Variants in PRKCB observed in about 807,000 individuals in gnomAD.
PRKCB encodes the protein protein kinase C beta, also known as protein kinase C beta type.
PRKCB carries 13 observed loss-of-function variants against 81.5 expected under a neutral mutation model. The observed-to-expected ratio is 0.16, with a 90% confidence interval of 0.10 to 0.25. PRKCB has a LOEUF of 0.25. Among genes scored for constraint, PRKCB ranks in the 10% least tolerant of loss-of-function variants. PRKCB has a pLI of 1.00. For synonymous variants in PRKCB, 335 were observed against 321.4 expected (o/e 1.04, Z -0.45); for missense variants, 509 against 875.7 (o/e 0.58, Z 5.29).
chr16:24,000,906 A>T (rs1965024806), intron 3 of PRKCB, among the ~76,000 whole-genome samples: 1 of 152,194 alleles, frequency 6.6e-6, no homozygotes, highest in Admixed American at 6.5e-5. Flanking sequence ...GTATTGCTCC[A>T]ATGACCTTGG....
intron 2 of PRKCB, among the ~76,000 whole-genome samples, chr16:23,860,822 G>A (rs1962652179): frequency 6.6e-6 from 1 of 152,250 alleles, no homozygotes; most frequent in East Asian, 1.9e-4. Flanking sequence ...CAGGAGAATT[G>A]CTTGGACCCG....
rs1491202327 is a variant in PRKCB, at chr16:23,875,562, CAT to C, written c.205+38157_205+38158del. On this transcript the variant is annotated intron_variant, in intron 2 of 16. Transcript: ENST00000643927. ...CACACATATGTATGTATATCACACA[CAT>C]GTGTATATCAAACACATATGTATAT... Among the ~76,000 whole-genome samples the C allele has an allele frequency of 1.4e-3, 128 of 91,994 alleles. 13 individuals carry two copies. Among genetic ancestry groups the C allele is most frequent in the Non-Finnish European group, 2.8e-3 (117 of 42,038 alleles). The allele number at this position is 91,994 out of a possible 152,430, so 60.4% of individuals were successfully genotyped here.
intron 16 of PRKCB, among the ~76,000 whole-genome samples, chr16:24,198,582 C>T (rs879713395): frequency 1.3e-5 from 2 of 152,170 alleles, no homozygotes; most frequent in African/African-American, 2.4e-5. Context: ...AAGTGATCCT[C>T]CCACCTCTGC....
At chr16:24,156,045 A>G (rs959713761) in intron 10 of PRKCB, among the ~76,000 whole-genome samples, 1 of 152,108 alleles carries the variant, frequency 6.6e-6, no homozygotes, top group African/African-American at 2.4e-5. Flanking sequence ...TGGTGCCTAG[A>G]TCTGTTAACT....
At chr16:24,160,947 G>A (rs1046943132) in intron 10 of PRKCB, among the ~76,000 whole-genome samples, 4 of 152,206 alleles carry the variant, frequency 2.6e-5, no homozygotes, top group African/African-American at 7.2e-5. Flanking sequence ...GAGGAGGCCG[G>A]TGTCGCCCCG....
chr16:23,856,226 C>G lies in PRKCB; in HGVS notation c.205+18820C>G, dbSNP rs117727344. 1.6e-4 allele frequency among the ~76,000 whole-genome samples: 24 copies of G among 152,302 alleles called. No homozygotes were observed. The East Asian group carries it at 4.6e-3, about 29-fold the overall frequency. ...TGGGATTCATATCCAACCAACGATA[C>G]TTTATACCTCACATTACTTCTGTTA... On this transcript the variant is annotated intron_variant, in intron 2 of 16. Transcript: ENST00000643927.
chr16:23,896,798 G>A (rs1963385188), intron 2 of PRKCB, among the ~76,000 whole-genome samples: 1 of 152,220 alleles, frequency 6.6e-6, no homozygotes, highest in South Asian at 2.1e-4. Context: ...CACAAGTGAA[G>A]TTAATCTCTT....
At chr16:23,864,712 G>T (rs1411657446) in intron 2 of PRKCB, among the ~76,000 whole-genome samples, 1 of 151,264 alleles carries the variant, frequency 6.6e-6, no homozygotes, top group Non-Finnish European at 1.5e-5. Flanking sequence ...CACGACCAGG[G>T]CCTCTGAGAT....
chr16:23,979,561 G>A (rs1012559611), intron 2 of PRKCB, among the ~76,000 whole-genome samples: 17 of 152,024 alleles, frequency 1.1e-4, no homozygotes, highest in South Asian at 4.2e-4. Flanking sequence ...TGTGGGAGTC[G>A]GGGGGAATGT....
chr16:24,200,305 A>C (rs1275426514), intron 16 of PRKCB, among the ~76,000 whole-genome samples: 2 of 152,170 alleles, frequency 1.3e-5, no homozygotes, highest in African/African-American at 4.8e-5. Context: ...ACCTACATTT[A>C]TATACTGACA....
chr16:24,193,497 A>G (rs575162501), intron 16 of PRKCB, among the ~76,000 whole-genome samples: 2 of 142,158 alleles, frequency 1.4e-5, no homozygotes, highest in East Asian at 4.2e-4. Flanking sequence ...ATAAATAAAT[A>G]AATGTGGTCT....
At chr16:23,946,100 T>C (rs1964201477) in intron 2 of PRKCB, among the ~76,000 whole-genome samples, 1 of 152,128 alleles carries the variant, frequency 6.6e-6, no homozygotes, top group South Asian at 2.1e-4. Flanking sequence ...CTCAGAGGGG[T>C]TAAATAATGT....
At chr16:24,063,565 G>C (rs1421770638) in intron 5 of PRKCB, among the ~76,000 whole-genome samples, 1 of 152,156 alleles carries the variant, frequency 6.6e-6, no homozygotes, top group Non-Finnish European at 1.5e-5. Flanking sequence ...AGAGTGCTGG[G>C]ATTACAGGCG....
At chr16:24,070,109 TGTGATG>T (rs1352902816) in intron 5 of PRKCB, among the ~76,000 whole-genome samples, 1 of 151,542 alleles carries the variant, frequency 6.6e-6, no homozygotes, top group Admixed American at 6.6e-5. Context: ...ATTGGGGCCC[TGTGATG>T]GTAAGCTTTT....
At chr16:23,836,446 C>CGT in intron 1 of PRKCB, 98 bp downstream of exon 1, 1 of 1,468,120 alleles carries the variant, frequency 6.8e-7, no homozygotes, top group African/African-American at 1.6e-5. Flanking sequence ...GCGCCCTCCG[C>CGT]ACCCTGGGAC....
chr16:24,032,842 T>C (rs1304653434), intron 4 of PRKCB, among the ~76,000 whole-genome samples: 3 of 152,254 alleles, frequency 2.0e-5, no homozygotes, highest in Admixed American at 6.5e-5. Context: ...GGGCAGTCCA[T>C]GGCTGTTGAC....
At chr16:24,204,314 A>G (rs1193208909) in intron 16 of PRKCB, among the ~76,000 whole-genome samples, 2 of 152,088 alleles carry the variant, frequency 1.3e-5, no homozygotes, top group African/African-American at 4.8e-5. Context: ...ACACAATCAG[A>G]TACATAGTAT....
intron 7 of PRKCB, among the ~76,000 whole-genome samples, chr16:24,103,141 G>A (rs979970636): frequency 6.6e-6 from 1 of 152,144 alleles, no homozygotes; most frequent in Non-Finnish European, 1.5e-5. Flanking sequence ...CCAAAGTGTT[G>A]GGATTACAGG....
At chr16:23,962,560 G>C (rs1964440382) in intron 2 of PRKCB, among the ~76,000 whole-genome samples, 1 of 152,158 alleles carries the variant, frequency 6.6e-6, no homozygotes, top group East Asian at 1.9e-4. Flanking sequence ...CTTTCCCTGA[G>C]TTCTACTAGG....
Sources: allele counts gnomAD v4.1 joint callset (sites outside exome capture counted in the v4.1 genomes callset), GRCh38; gene constraint gnomAD v4.1.1; transcripts MANE v1.5; gene names NCBI Gene and HGNC (gene_info 2026-07-23, HGNC 2026-07-21).